GCM1: variants seen among roughly 807,000 people sequenced by gnomAD.
GCM1 encodes GCM transcription factor 1, also known as chorion-specific transcription factor GCMa.
In GCM1, 2 loss-of-function variants were observed where a neutral mutation model predicts 25.7. The ratio of observed to expected loss-of-function variants is 0.08; its 90% CI spans 0.03 to 0.24. GCM1 has a LOEUF of 0.24. GCM1 is among the 10% of genes least tolerant of loss of function. The pLI, the probability that GCM1 is intolerant of heterozygous loss-of-function variation, is 1.00. For synonymous variants in GCM1, 183 were observed against 195.7 expected (o/e 0.94, Z 0.54); for missense variants, 395 against 538.7 (o/e 0.73, Z 2.64).
At chr6:53,141,965 C>G (rs140291096) in intron 2 of GCM1, among the ~76,000 whole-genome samples, 2 of 117,046 alleles carry the variant, frequency 1.7e-5, no homozygotes, top group South Asian at 3.0e-4. Context: ...GATTGCGCCA[C>G]TGCACTCCAG....
chr6:53,131,181 A>G (rs1446207123), intron 4 of GCM1, among the ~76,000 whole-genome samples: 1 of 152,196 alleles, frequency 6.6e-6, no homozygotes, highest in African/African-American at 2.4e-5. Flanking sequence ...TTCCTGTGGT[A>G]TGTGCCAGAC....
At chr6:53,136,770 T>C (rs980551154) in intron 2 of GCM1, among the ~76,000 whole-genome samples, 1 of 151,646 alleles carries the variant, frequency 6.6e-6, no homozygotes, top group African/African-American at 2.4e-5. Flanking sequence ...AGGTCAGGAG[T>C]TCGAGACCAG....
intron 1 of GCM1, among the ~76,000 whole-genome samples, chr6:53,146,360 C>G (rs1280976089): frequency 6.6e-6 from 1 of 151,626 alleles, no homozygotes; most frequent in Non-Finnish European, 1.5e-5. Context: ...GCTGGGATTA[C>G]AGGCATGTGC....
intron 2 of GCM1, among the ~76,000 whole-genome samples, chr6:53,136,958 A>G (rs957865406): frequency 6.6e-6 from 1 of 151,848 alleles, no homozygotes; most frequent in African/African-American, 2.4e-5. Context: ...CCTGGGCGAC[A>G]AGAGTGAAAC....
chr6:53,144,959 G>GAAAGAAAGAAAGAAAATGA (rs1412319123), intron 2 of GCM1, among the ~76,000 whole-genome samples: 2 of 86,620 alleles, frequency 2.3e-5, no homozygotes, highest in East Asian at 6.2e-4. Flanking sequence ...GAAAAGAAAA[G>GAAAGAAAGAAAGAAAATGA]AAAGAAAGAA....
chr6:53,136,682 G>A (rs568717794), intron 2 of GCM1, among the ~76,000 whole-genome samples: 2 of 152,228 alleles, frequency 1.3e-5, no homozygotes, highest in Middle Eastern at 3.4e-3. Context: ...CAAGATAAGA[G>A]TCCAAGTCCC....
chr6:53,129,054 C>T lies in GCM1; in HGVS notation c.571-108G>A, dbSNP rs535960685. The T allele has an allele frequency of 2.0e-4, 172 of 852,368 alleles. 1 individual carries two copies. In the African/African-American group the frequency reaches 2.4e-3, roughly 12 times the overall value. The allele number at this position is 852,368 out of a possible 1,614,324, so 52.8% of individuals were successfully genotyped here. ...CAAATAAGAGCTCCATCAGATTTTC[C>T]TCATTCCTTACACATTAATACTTGA... is the stretch of plus-strand genomic sequence containing the variant. On this transcript the variant is annotated intron_variant, in intron 5 of 5. Coordinates refer to ENST00000259803, the MANE Select transcript of GCM1 (RefSeq NM_003643.4).
At chr6:53,136,863 C>T (rs1006332295) in intron 2 of GCM1, among the ~76,000 whole-genome samples, 1 of 152,038 alleles carries the variant, frequency 6.6e-6, no homozygotes, top group Non-Finnish European at 1.5e-5. Context: ...GTAATCCTTG[C>T]TTCTTGGGAG....
intron 2 of GCM1, among the ~76,000 whole-genome samples, chr6:53,136,848 C>T (rs932159667): frequency 1.3e-5 from 2 of 152,078 alleles, no homozygotes; most frequent in Non-Finnish European, 1.5e-5. Context: ...TGGTGGCGGG[C>T]ACCAGTAATC....
intron 4 of GCM1, 83 bp from the exon 5 acceptor site, chr6:53,131,014 G>A (rs938190419): frequency 1.5e-6 from 2 of 1,295,578 alleles, no homozygotes; most frequent in Non-Finnish European, 2.2e-6. Flanking sequence ...TTTATTTACT[G>A]TGTGTCCTGC....
intron 2 of GCM1, among the ~76,000 whole-genome samples, chr6:53,144,722 C>T (rs1223499631): frequency 1.3e-5 from 2 of 151,762 alleles, no homozygotes; most frequent in Non-Finnish European, 2.9e-5. Flanking sequence ...CAAGACCAGC[C>T]CGGGCAACAT....
At chr6:53,143,816 T>C (rs1425510277) in intron 2 of GCM1, among the ~76,000 whole-genome samples, 10 of 34,022 alleles carry the variant, frequency 2.9e-4, no homozygotes, top group African/African-American at 1.2e-3. Context: ...GATACAGATG[T>C]GGGGTCGGGG....
chr6:53,141,165 A>T (rs1451914973), intron 2 of GCM1, among the ~76,000 whole-genome samples: 2 of 152,096 alleles, frequency 1.3e-5, no homozygotes, highest in Non-Finnish European at 2.9e-5. Context: ...AGCCCAGAAG[A>T]TCATGAGCAT....
chr6:53,132,236 A>C, intron 3 of GCM1, 117 bp from the exon 4 acceptor site: 6 of 704,588 alleles, frequency 8.5e-6, no homozygotes, highest in Middle Eastern at 3.9e-4. Context: ...AAATCTGGGC[A>C]GAGTTTCATG....
Position 53,134,208 on chromosome 6 carries a change from G to A in GCM1, c.192C>T (p.Thr64=). The A allele has an allele frequency of 6.2e-7, 1 of 1,614,144 alleles. No homozygotes were observed. The highest frequency in any genetic ancestry group is 8.5e-7 in the Non-Finnish European group (1 of 1,180,008). ...TGAGGATGCGGGAGTTGTGGTTGTT[G>A]GTATTGCGCATGGCCCAGCTGCTCA... ...RHLSSWAMRN[T]NNHNSRILKK... is the part of the protein sequence containing the mutation. Residue 64 remains threonine, a synonymous_variant, in exon 3 of 6, where the codon ACC becomes ACT. Transcript: ENST00000259803.
Position 53,128,085 on chromosome 6 carries a change from C to A in GCM1, c.*121G>T. ...AAAAAGAAAAAGAAAAAAGCCTTGT[C>A]TACTGCTTATCATGATTCTCATTTA... On this transcript the variant is annotated 3_prime_UTR_variant, in exon 6 of 6. Coordinates refer to ENST00000259803, the MANE Select transcript of GCM1 (RefSeq NM_003643.4). The A allele has an allele frequency of 3.7e-5, 13 of 353,940 alleles. No individual in the cohort carries two copies. Among genetic ancestry groups the A allele is most frequent in the Non-Finnish European group, 5.1e-5 (10 of 194,812 alleles). 21.9% of individuals were successfully genotyped at this position (353,940 alleles called of 1,614,324 possible). A position where few individuals can be genotyped will look rare whatever the true frequency, so the allele number is the denominator to read the frequency against.
At chr6:53,138,839 C>G (rs1763835599) in intron 2 of GCM1, among the ~76,000 whole-genome samples, 1 of 152,154 alleles carries the variant, frequency 6.6e-6, no homozygotes, top group African/African-American at 2.4e-5. Context: ...TCCTCTAACT[C>G]AATCAAAATT....
chr6:53,148,211 C>T (rs139893422), intron 1 of GCM1, among the ~76,000 whole-genome samples: 2,710 of 152,254 alleles, frequency 0.018, 33 homozygotes, highest in African/African-American at 0.025. Context: ...GCAGCAGTTC[C>T]GTGTACTTAC....
chr6:53,131,031 G>A, intron 4 of GCM1, 100 bp from the exon 5 acceptor site: 1 of 1,147,824 alleles, frequency 8.7e-7, no homozygotes, highest in South Asian at 1.4e-5. Flanking sequence ...CTGCCCCGGG[G>A]GTGGTGTTGC....
Sources: allele counts gnomAD v4.1 joint callset (sites outside exome capture counted in the v4.1 genomes callset), GRCh38; gene constraint gnomAD v4.1.1; transcripts MANE v1.5; gene names NCBI Gene and HGNC (gene_info 2026-07-23, HGNC 2026-07-21).